Variants in MAP3K5 observed in about 807,000 individuals in gnomAD.
The protein encoded by MAP3K5 is ASK-1.
In MAP3K5, 56 loss-of-function variants were observed where a neutral mutation model predicts 158.7. That is an observed-to-expected ratio of 0.35 (90% CI 0.28 to 0.44). MAP3K5 has a LOEUF of 0.44. Among genes scored for constraint, MAP3K5 ranks in the 20% least tolerant of loss-of-function variants. The probability of loss-of-function intolerance (pLI) is 1.00; values close to 1 mark genes in which losing one functional copy is unlikely to be tolerated. For synonymous variants in MAP3K5, 579 were observed against 601.7 expected, an observed-to-expected ratio of 0.96 and a Z score of 0.55; for missense variants, 1,294 against 1,674.8, an observed-to-expected ratio of 0.77 and a Z score of 3.97.
In MAP3K5 at chr6:136,566,053, C is replaced by T. The variant is rs571837787; in HGVS notation, c.3761+1578G>A. On this transcript the variant is annotated intron_variant, in intron 26 of 29. Transcript: ENST00000359015. ...GGCCCTCAGCTAGAACCAAGAGACACTCAGAAGAGAAAGGGGAAGCTGTGA... is the reference window on the plus strand; with the variant it reads ...GGCCCTCAGCTAGAACCAAGAGACATTCAGAAGAGAAAGGGGAAGCTGTGA... Among the ~76,000 whole-genome samples the T allele has an allele frequency of 1.4e-4, 22 of 152,268 alleles. 1 individual carries two copies. In the South Asian group the frequency reaches 2.9e-3, roughly 20 times the overall value.
chr6:136,602,980 T>C (rs1775942445), intron 19 of MAP3K5, among the ~76,000 whole-genome samples: 1 of 152,184 alleles, frequency 6.6e-6, no homozygotes, highest in Non-Finnish European at 1.5e-5. Context: ...TAATGGTATT[T>C]TCATTTTTTA....
At position 136,696,074 on chromosome 6, in the gene MAP3K5, G is replaced by C; in HGVS notation, c.976-17C>G. On this transcript the variant is annotated splice_polypyrimidine_tract_variant and intron_variant, in intron 5 of 29. Coordinates refer to ENST00000359015, the MANE Select transcript of MAP3K5 (RefSeq NM_005923.4). ...ATCATAGTCCTTTCAAATTAGATGA[G>C]AATAGCACAGAATTAAACCATTAGG... is the stretch of plus-strand genomic sequence containing the variant. 1 of 1,385,102 alleles carries C rather than the reference G, an allele frequency of 7.2e-7. No homozygotes were observed. 85.8% of individuals were successfully genotyped at this position (1,385,102 alleles called of 1,614,324 possible). A position where few individuals can be genotyped will look rare whatever the true frequency, so the allele number is the denominator to read the frequency against.
chr6:136,792,286 C>A lies in MAP3K5; in HGVS notation c.-129G>T. 1 of 1,095,152 alleles carries A rather than the reference C, an allele frequency of 9.1e-7. No individual in the cohort carries two copies. Among genetic ancestry groups the A allele is most frequent in the South Asian group, 4.2e-5 (1 of 23,530 alleles). 67.8% of individuals were successfully genotyped at this position (1,095,152 alleles called of 1,614,324 possible). Reference sequence around the variant, plus strand: ...CCATCGCGCGCCGCGCCCTCGCCGCCGCGCCGCCGCCTCCTCTCCGGCGCC... The same window carrying A: ...CCATCGCGCGCCGCGCCCTCGCCGCAGCGCCGCCGCCTCCTCTCCGGCGCC... On this transcript the variant is annotated 5_prime_UTR_variant, in exon 1 of 30. Coordinates refer to ENST00000359015, the MANE Select transcript of MAP3K5 (RefSeq NM_005923.4). The surrounding 1 kb of genome is among the most constrained non-coding windows in gnomAD (Gnocchi z 5.7).
intron 2 of MAP3K5, among the ~76,000 whole-genome samples, chr6:136,713,765 C>T (rs1781409698): frequency 9.3e-6 from 1 of 107,460 alleles, no homozygotes; most frequent in Non-Finnish European, 1.9e-5. Context: ...CAACGTTGAA[C>T]CAGGAAGAGT....
chr6:136,721,717 T>A (rs1781753252), intron 1 of MAP3K5, among the ~76,000 whole-genome samples: 1 of 152,184 alleles, frequency 6.6e-6, no homozygotes, highest in Non-Finnish European at 1.5e-5. Context: ...AATCCATTTC[T>A]CATTAAAAAT....
chr6:136,695,478 T>A (rs1021568570), intron 6 of MAP3K5, among the ~76,000 whole-genome samples: 5 of 152,204 alleles, frequency 3.3e-5, no homozygotes, highest in Non-Finnish European at 7.3e-5. Context: ...AAAAAAGGTA[T>A]CATTTCTATT....
intron 18 of MAP3K5, among the ~76,000 whole-genome samples, chr6:136,606,479 G>A (rs1040373790): frequency 1.3e-5 from 2 of 152,202 alleles, no homozygotes; most frequent in Non-Finnish European, 2.9e-5. Flanking sequence ...CCCTTAGTCT[G>A]CTTCTGGCCT....
intron 8 of MAP3K5, 129 bp downstream of exon 8, chr6:136,669,154 T>C (rs1779359033): frequency 1.4e-6 from 1 of 702,752 alleles, no homozygotes; most frequent in Admixed American, 2.5e-5. Flanking sequence ...ATATAATAAG[T>C]TTCTTTTTTC....
chr6:136,673,908 G>A (rs1779592809), intron 7 of MAP3K5, among the ~76,000 whole-genome samples: 1 of 151,990 alleles, frequency 6.6e-6, no homozygotes, highest in South Asian at 2.1e-4. Context: ...ACAGATTCAA[G>A]AAGCTCAGCA....
chr6:136,738,719 T>A (rs763498815), intron 1 of MAP3K5, among the ~76,000 whole-genome samples: 27 of 152,180 alleles, frequency 1.8e-4, no homozygotes, highest in Non-Finnish European at 3.8e-4. Context: ...AAAGAGCTAA[T>A]GAGCTGAAGT....
At chr6:136,601,547 T>C (rs1029450082) in intron 20 of MAP3K5, among the ~76,000 whole-genome samples, 11 of 152,218 alleles carry the variant, frequency 7.2e-5, no homozygotes, top group Non-Finnish European at 1.6e-4. Context: ...GTTAGAGTGA[T>C]ATAGATGGTG....
chr6:136,727,701 C>T (rs1036713229), intron 1 of MAP3K5, among the ~76,000 whole-genome samples: 4 of 152,192 alleles, frequency 2.6e-5, no homozygotes, highest in African/African-American at 9.7e-5. Flanking sequence ...TGGCTCACAC[C>T]TGTAATCCCA....
intron 1 of MAP3K5, among the ~76,000 whole-genome samples, chr6:136,741,607 C>T (rs1782712143): frequency 6.6e-6 from 1 of 151,256 alleles, no homozygotes; most frequent in South Asian, 2.1e-4. Context: ...CCTGTCACCA[C>T]TCCTTTTCAA....
intron 1 of MAP3K5, among the ~76,000 whole-genome samples, chr6:136,764,681 G>A (rs1350317449): frequency 1.3e-5 from 2 of 152,084 alleles, no homozygotes; most frequent in African/African-American, 2.4e-5. Flanking sequence ...AAAATGAAAC[G>A]CAGACCTCTC....
At chr6:136,680,560 T>C (rs944741173) in intron 7 of MAP3K5, among the ~76,000 whole-genome samples, 1 of 152,212 alleles carries the variant, frequency 6.6e-6, no homozygotes, top group Admixed American at 6.5e-5. Flanking sequence ...TCAAAGAACA[T>C]GAATTATTTC....
Position 136,791,748 on chromosome 6 carries a change from A to G in MAP3K5, c.410T>C (p.Phe137Ser). The G allele has an allele frequency of 6.2e-7, 1 of 1,613,386 alleles. No homozygotes were observed. Among genetic ancestry groups the G allele is most frequent in the Non-Finnish European group, 8.5e-7 (1 of 1,180,016 alleles). The part of the protein sequence containing the change: ...LETLHFGKLD[F>S]GETTVLDRFY... ...GCGGTCCAGCACGGTGGTTTCTCCAAAGTCGAGTTTCCCAAAATGCAGGGT... is the reference window on the plus strand; with the variant it reads ...GCGGTCCAGCACGGTGGTTTCTCCAGAGTCGAGTTTCCCAAAATGCAGGGT... The change falls in exon 1 of 30, where the codon TTT (phenylalanine) becomes TCT (serine). Residue 137 changes from phenylalanine to serine, a missense_variant. Physicochemically the swap from Phe to Ser is radical, Grantham distance 155. Around this residue, in one of 5 missense-constraint regions of MAP3K5, gnomAD observed 690 missense variants for 870.5 expected, o/e 0.79. Transcript: ENST00000359015.
intron 1 of MAP3K5, among the ~76,000 whole-genome samples, chr6:136,726,607 T>C (rs1781977799): frequency 1.3e-5 from 2 of 152,030 alleles, no homozygotes; most frequent in Non-Finnish European, 2.9e-5. Flanking sequence ...AAAAAAAGAA[T>C]ACGGAATATC....
rs1776252196 is a variant in MAP3K5 at position 136,609,805 on chromosome 6, A to G, written c.2521+1477T>C. 6.6e-6 allele frequency among the ~76,000 whole-genome samples: 1 copy of G among 151,104 alleles called. No homozygotes were observed. Among genetic ancestry groups the G allele is most frequent in the South Asian group, 2.1e-4 (1 of 4,760 alleles). ...GCGAGAACCCATCTCAAAAGAAAAA[A>G]CAAAAACAAAAAAACAGTTTTGCCA... On this transcript the variant is annotated intron_variant, in intron 18 of 29. Coordinates refer to ENST00000359015, the MANE Select transcript of MAP3K5 (RefSeq NM_005923.4). This position sits in a 1 kb window ranked among gnomAD's most constrained non-coding sequence, Gnocchi z 4.4.
intron 21 of MAP3K5, among the ~76,000 whole-genome samples, chr6:136,598,241 C>T (rs970454108): frequency 2.0e-5 from 3 of 152,188 alleles, no homozygotes; most frequent in African/African-American, 7.2e-5. Context: ...GAAGTCGCCT[C>T]ACCTGGATCT....
Sources: gnomAD v4.1 joint callset for allele counts (sites outside exome capture counted in the v4.1 genomes callset) on GRCh38, gnomAD v4.1.1 for gene constraint, gnomAD v4.1.1 regional missense constraint, Gnocchi (gnomAD v3.1) non-coding constraint, MANE v1.5 for transcripts, NCBI Gene and HGNC (gene_info 2026-07-23, HGNC 2026-07-21) for gene names.